The following SNRPN variants were observed in gnomAD, a reference collection of about 807,000 sequenced individuals.
The protein encoded by SNRPN is small nuclear ribonucleoprotein-associated protein N.
SNRPN carries 7 observed loss-of-function variants against 25.2 expected under a neutral mutation model. The ratio of observed to expected loss-of-function variants is 0.28; its 90% CI spans 0.16 to 0.52. The LOEUF (loss-of-function observed/expected upper bound fraction) is 0.52. SNRPN is among the 20% of genes least tolerant of loss of function. The probability of loss-of-function intolerance (pLI) is 0.96; values close to 1 mark genes in which losing one functional copy is unlikely to be tolerated. For missense variants in SNRPN, 196 were observed against 322.5 expected (o/e 0.61, Z 3.00); for synonymous variants, 124 against 110.6 (o/e 1.12, Z -0.76).
chr15:24,856,525 A>G (rs990828208), upstream of SNRPN: 1 of 152,232 alleles, frequency 6.6e-6, no homozygotes, highest in Admixed American at 6.5e-5. Context: ...GACCACGCCC[A>G]CCAAGGGCGG....
At chr15:24,856,929 A>G (rs1174293301) in intron 1 of SNRPN, among the ~76,000 whole-genome samples, 2 of 152,074 alleles carry the variant, frequency 1.3e-5, no homozygotes, top group Non-Finnish European at 2.9e-5. Context: ...CATCTTTTCC[A>G]TGATCATTCT....
chr15:24,891,593 A>G (rs571765217), intron 2 of SNRPN, among the ~76,000 whole-genome samples: 1 of 152,140 alleles, frequency 6.6e-6, no homozygotes, highest in Non-Finnish European at 1.5e-5. Context: ...TCCCGCCACC[A>G]TGTCCAGCTA....
intron 3 of SNRPN, chr15:24,942,454 G>T (rs1025488917): frequency 1.3e-5 from 2 of 152,156 alleles, no homozygotes; most frequent in African/African-American, 4.8e-5. Flanking sequence ...TAGGATGGCG[G>T]GGAACATGGT....
chr15:24,897,154 TAAACAA>T (rs1168250844), intron 2 of SNRPN, among the ~76,000 whole-genome samples: 3 of 151,908 alleles, frequency 2.0e-5, no homozygotes, highest in African/African-American at 4.8e-5. Context: ...CTATCTAAAA[TAAACAA>T]AAACAAAAAC....
chr15:24,965,392 C>T (rs1266463248), intron 2 of SNRPN, among the ~76,000 whole-genome samples: 5 of 152,002 alleles, frequency 3.3e-5, no homozygotes, highest in Admixed American at 6.6e-5. Flanking sequence ...AAAAAATCAG[C>T]CGGGTGTGGT....
Position 24,974,412 on chromosome 15 carries a change from C to T in SNRPN, c.-42C>T. 1.9e-6 allele frequency: 3 copies of T among 1,607,698 alleles called. No homozygotes were observed. The highest frequency in any genetic ancestry group is 1.7e-6 in the Non-Finnish European group (2 of 1,174,240). On this transcript the variant is annotated 5_prime_UTR_variant, in exon 4 of 10. Coordinates refer to ENST00000390687, the MANE Select transcript of SNRPN (RefSeq NM_003097.6). ...CCTTCCCCTAGGTCTTCAGAAGCAT[C>T]AAGTTTTAACTGTGGACATTGGATT...
intron 2 of SNRPN, among the ~76,000 whole-genome samples, chr15:24,964,901 A>G (rs562828832): frequency 2.2e-4 from 34 of 152,318 alleles, no homozygotes; most frequent in African/African-American, 7.9e-4. Context: ...TGAAGAAGAA[A>G]TAACTTGAGT....
intron 2 of SNRPN, among the ~76,000 whole-genome samples, chr15:24,918,307 C>T (rs1323068958): frequency 7.2e-6 from 1 of 138,818 alleles, no homozygotes. Context: ...CATATATATG[C>T]AAACATATAT....
chr15:24,874,785 T>G (rs1205234447), intron 1 of SNRPN, among the ~76,000 whole-genome samples: 2 of 152,122 alleles, frequency 1.3e-5, no homozygotes, highest in East Asian at 3.9e-4. Flanking sequence ...TCACCAAAGT[T>G]CCTGATTAGC....
chr15:24,954,472 G>C (rs548080091), upstream of SNRPN, among the ~76,000 whole-genome samples: 2 of 152,296 alleles, frequency 1.3e-5, no homozygotes, highest in African/African-American at 4.8e-5. Flanking sequence ...AATGTAGAAA[G>C]TAGAAAAAGG....
intron 3 of SNRPN, among the ~76,000 whole-genome samples, chr15:24,942,989 C>G (rs1251413638): frequency 6.6e-6 from 1 of 151,078 alleles, no homozygotes; most frequent in Non-Finnish European, 1.5e-5. Context: ...AAATCCTCCT[C>G]TGCTGAGTGG....
chr15:24,849,963 T>G (rs2052660530), intron 2 of SNRPN: 1 of 152,204 alleles, frequency 6.6e-6, no homozygotes, highest in Non-Finnish European at 1.5e-5. Flanking sequence ...TATCTTGAAA[T>G]TCCAATTCTG....
chr15:24,903,505 C>T (rs2058598672), intron 2 of SNRPN, among the ~76,000 whole-genome samples: 1 of 152,216 alleles, frequency 6.6e-6, no homozygotes, highest in African/African-American at 2.4e-5. Context: ...TCATTCTCTT[C>T]ATCCACTCAC....
chr15:24,831,494 T>G (rs1324470687), intron 2 of SNRPN, among the ~76,000 whole-genome samples: 1 of 152,010 alleles, frequency 6.6e-6, no homozygotes, highest in Non-Finnish European at 1.5e-5. Context: ...AAGAACACTT[T>G]ACATCCACTC....
chr15:24,959,879 A>C (rs549807388), intron 1 of SNRPN, among the ~76,000 whole-genome samples: 29 of 152,210 alleles, frequency 1.9e-4, no homozygotes, highest in Non-Finnish European at 3.2e-4. Context: ...ACAAGGTTTT[A>C]CTTAGCCCTC....
chr15:24,862,126 A>G (rs2054037600), intron 1 of SNRPN, among the ~76,000 whole-genome samples: 1 of 41,310 alleles, frequency 2.4e-5, no homozygotes, highest in Non-Finnish European at 9.8e-5. Flanking sequence ...CATGGCTACC[A>G]CTAGGCTAAC....
intron 3 of SNRPN, among the ~76,000 whole-genome samples, chr15:24,928,119 A>C (rs1336446105): frequency 6.6e-6 from 1 of 152,218 alleles, no homozygotes; most frequent in Non-Finnish European, 1.5e-5. Flanking sequence ...GAACTCTCCT[A>C]TACTTTTGGT....
At chr15:24,960,576 CTTCCATGAACCA>C in intron 1 of SNRPN, among the ~76,000 whole-genome samples, 1 of 152,266 alleles carries the variant, frequency 6.6e-6, no homozygotes, top group Admixed American at 6.5e-5. Context: ...TGGCCTCAGC[CTTCCATGAACCA>C]TTGCGCCCTG....
intron 3 of SNRPN, among the ~76,000 whole-genome samples, chr15:24,949,010 C>CTTTTTTTT (rs869100437): frequency 2.2e-4 from 10 of 46,416 alleles, no homozygotes; most frequent in Non-Finnish European, 3.1e-4. Context: ...TTTGCCTATT[C>CTTTTTTTT]TTTTTTTTTT....
Sources: allele counts gnomAD v4.1 joint callset (sites outside exome capture counted in the v4.1 genomes callset), GRCh38; gene constraint gnomAD v4.1.1; transcripts MANE v1.5; gene names NCBI Gene and HGNC (gene_info 2026-07-23, HGNC 2026-07-21).